The following RSKR variants were observed in gnomAD, a reference collection of about 807,000 sequenced individuals.
RSKR encodes the protein ribosomal protein S6 kinase-related protein.
In RSKR, 44 loss-of-function variants were observed where a neutral mutation model predicts 56.8. The observed-to-expected ratio is 0.77, with a 90% CI of 0.61 to 1.00. The LOEUF is 1.00. Ranked by LOEUF, RSKR falls within the 50% of genes least tolerant of loss-of-function variation. The probability of loss-of-function intolerance (pLI) is 0.00; values close to 1 mark genes in which losing one functional copy is unlikely to be tolerated. For missense variants in RSKR, 510 were observed against 506.9 expected, an observed-to-expected ratio of 1.01 and a Z score of -0.06; for synonymous variants, 181 against 188.0, an observed-to-expected ratio of 0.96 and a Z score of 0.30.
At chr17:28,612,792 C>T in intron 4 of RSKR, 105 bp from the exon 5 acceptor site, 2 of 1,062,696 alleles carry the variant, frequency 1.9e-6, no homozygotes, top group Middle Eastern at 4.0e-4. Context: ...GAACTGCTGC[C>T]TCACCTCTCA....
Position 28,613,323 on chromosome 17 carries a change from C to A in RSKR, c.347G>T (p.Gly116Val). The change falls in exon 3 of 12, where the codon GGC becomes GTC. Residue 116 changes from glycine (G) to valine (V), a missense_variant. By Grantham distance (109) the Gly-to-Val change is moderately radical. Transcript: ENST00000301037. Reference sequence around the variant, plus strand: ...CACCTTGAGGACAGTTCCAAAGGAGCCTTTAGCCACGAGGCCTAAAATCTG... The same window carrying A: ...CACCTTGAGGACAGTTCCAAAGGAGACTTTAGCCACGAGGCCTAAAATCTG... ...QLKILGLVAK[G>V]SFGTVLKVLD... is the part of the protein sequence containing the mutation. 3 of 1,614,242 alleles carry A rather than the reference C, an allele frequency of 1.9e-6. No individual in the cohort carries two copies. The highest frequency in any genetic ancestry group is 2.2e-5 in the East Asian group (1 of 44,888).
chr17:28,611,071 A>C, intron 11 of RSKR, 72 bp downstream of exon 11: 5 of 1,370,138 alleles, frequency 3.6e-6, no homozygotes, highest in Non-Finnish European at 5.0e-6. Flanking sequence ...GAATGGGGAA[A>C]AATCACTTTA....
intron 1 of RSKR, 131 bp downstream of exon 1, chr17:28,613,956 A>C: frequency 1.6e-6 from 2 of 1,219,902 alleles, no homozygotes; most frequent in Non-Finnish European, 2.3e-6. Context: ...TGATGCTTTC[A>C]TAGTACAGCC....
At chr17:28,612,562 G>A (rs2070832611) in intron 5 of RSKR, 56 bp downstream of exon 5, 2 of 1,573,250 alleles carry the variant, frequency 1.3e-6, no homozygotes, top group Non-Finnish European at 1.7e-6. Flanking sequence ...GGTAATCTCA[G>A]GTGGGGAACA....
At chr17:28,613,901 A>G in intron 1 of RSKR, 186 bp downstream of exon 1, 1 of 992,044 alleles carries the variant, frequency 1.0e-6, no homozygotes, top group Non-Finnish European at 1.5e-6. Context: ...GGACATTTTC[A>G]CCATGACGCA....
intron 11 of RSKR, 46 bp downstream of exon 11, chr17:28,611,097 C>T: frequency 1.4e-6 from 2 of 1,464,276 alleles, no homozygotes; most frequent in Non-Finnish European, 9.2e-7. Flanking sequence ...GGCAGGAGAG[C>T]ATTAATGGTT....
chr17:28,613,888 G>A (rs2070866008), intron 1 of RSKR, 199 bp downstream of exon 1: 1 of 1,008,460 alleles, frequency 9.9e-7, no homozygotes, highest in Non-Finnish European at 1.4e-6. Flanking sequence ...GAAAATAATT[G>A]TTGGACATTT....
Position 28,612,705 on chromosome 17 carries a change from A to G in RSKR, c.478-18T>C. 1 of 1,613,550 alleles carries G rather than the reference A, an allele frequency of 6.2e-7. No homozygotes were observed. The highest frequency in any genetic ancestry group is 8.5e-7 in the Non-Finnish European group (1 of 1,179,450). ...ATCTGTCGCTAGGAACAAAGAAAAC[A>G]GGAAGTTAGGGAGGAACAGGGTCAT... On this transcript the variant is annotated intron_variant, in intron 4 of 11. Transcript: ENST00000301037.
Position 28,610,688 on chromosome 17 carries a change from C to T in RSKR, c.1023G>A (p.Gln341=), listed in dbSNP as rs1226395566. 1 of 1,536,058 alleles carries T rather than the reference C, an allele frequency of 6.5e-7. No individual in the cohort carries two copies. Among genetic ancestry groups the T allele is most frequent in the Non-Finnish European group, 8.7e-7 (1 of 1,146,910 alleles). ...LSLLLHELLC[Q]NPLHRLRYLH... ...GATAACGTAGACGATGGAGGGGGTT[C>T]TGGCATAAGAGCTGAAGGAAAATAG... is the stretch of plus-strand genomic sequence containing the variant. Residue 341 remains glutamine (Q), a synonymous_variant, in exon 12 of 12, where the codon CAG becomes CAA. Coordinates refer to ENST00000301037, the MANE Select transcript of RSKR (RefSeq NM_001174103.2).
chr17:28,613,672 C>T lies in RSKR; in HGVS notation c.92G>A (p.Arg31Gln), dbSNP rs148150453. The change falls in exon 2 of 12, where the codon CGG (arginine) becomes CAG (glutamine). Residue 31 changes from arginine to glutamine, a missense_variant. Arg to Gln is a conservative substitution (Grantham distance 43). Transcript: ENST00000301037. ...AVPHKQGGNIRGPWARGWKSL... is the reference protein window; with the variant it reads ...AVPHKQGGNIQGPWARGWKSL... ...CTTCCAGCCTCGGGCCCAGGGACCC[C>T]GGATGTTGCCACCCTGCTGAGAACC... 39 of 1,613,922 alleles carry T rather than the reference C, an allele frequency of 2.4e-5. No individual in the cohort carries two copies. The highest frequency in any genetic ancestry group is 1.9e-4 in the African/African-American group (14 of 74,878).
Position 28,610,274 on chromosome 17 carries a change from T to A in RSKR, c.*204A>T, listed in dbSNP as rs1222243798. ...CTGACATGTTGAATTGAGAGGTAGG[T>A]TGTATGATAGGGAAGGAATAGGGCC... On this transcript the variant is annotated 3_prime_UTR_variant, in exon 12 of 12. Coordinates refer to ENST00000301037, the MANE Select transcript of RSKR (RefSeq NM_001174103.2). 1 of 576,604 alleles carries A rather than the reference T, an allele frequency of 1.7e-6. No homozygotes were observed. The highest frequency in any genetic ancestry group is 3.1e-6 in the Non-Finnish European group (1 of 323,886). 35.7% of individuals were successfully genotyped at this position (576,604 alleles called of 1,614,324 possible).
At chr17:28,613,042 C>G (rs754664770) in intron 4 of RSKR, 36 bp downstream of exon 4, 1 of 1,609,180 alleles carries the variant, frequency 6.2e-7, no homozygotes, top group Non-Finnish European at 8.5e-7. Context: ...TGTGGCCTAG[C>G]TCTTCCCACA....
intron 11 of RSKR, 143 bp downstream of exon 11, chr17:28,610,999 CA>C: frequency 1.3e-6 from 1 of 753,566 alleles, no homozygotes; most frequent in Non-Finnish European, 2.2e-6. Context: ...TGACTCAGTA[CA>C]GCTTAGATGG....
intron 5 of RSKR, 119 bp from the exon 6 acceptor site, chr17:28,612,485 C>A: frequency 7.3e-7 from 1 of 1,372,704 alleles, no homozygotes. Flanking sequence ...ACCTGCTGTT[C>A]CCCTCCCTTT....
intron 7 of RSKR, 116 bp downstream of exon 7, chr17:28,611,928 T>C (rs1468737540): frequency 6.2e-7 from 1 of 1,611,892 alleles, no homozygotes; most frequent in East Asian, 2.2e-5. Flanking sequence ...CCCAAATCCT[T>C]GGCACCCATG....
At chr17:28,612,796 C>T (rs764324030) in intron 4 of RSKR, 109 bp from the exon 5 acceptor site, 19 of 1,029,190 alleles carry the variant, frequency 1.8e-5, no homozygotes, top group Non-Finnish European at 2.9e-5. Flanking sequence ...TGCTGCCTCA[C>T]CTCTCAGTTC....
chr17:28,613,960 T>C (rs1011541826), intron 1 of RSKR, 127 bp downstream of exon 1: 5 of 1,260,466 alleles, frequency 4.0e-6, no homozygotes, highest in Non-Finnish European at 5.6e-6. Context: ...GCTTTCATAG[T>C]ACAGCCTCCC....
intron 5 of RSKR, 33 bp downstream of exon 5, chr17:28,612,577 ACAAAGACC>A: frequency 6.2e-7 from 1 of 1,602,666 alleles, no homozygotes; most frequent in African/African-American, 1.3e-5. Context: ...GGAACATGGT[ACAAAGACC>A]CTGGGGGATG....
chr17:28,610,365 C>A lies in RSKR; in HGVS notation c.*113G>T. The A allele has an allele frequency of 3.1e-6, 3 of 980,284 alleles. No homozygotes were observed. The highest frequency in any genetic ancestry group is 4.5e-6 in the Non-Finnish European group (3 of 666,680). 60.7% of individuals were successfully genotyped at this position (980,284 alleles called of 1,614,324 possible). ...TGGTCTAAAGCCTAGGAGAGCAGAA[C>A]GGTAAGAGGCTACAAAATAAAAACA... On this transcript the variant is annotated 3_prime_UTR_variant, in exon 12 of 12. Transcript: ENST00000301037.
Sources: allele counts gnomAD v4.1 joint callset, GRCh38; gene constraint gnomAD v4.1.1; transcripts MANE v1.5; gene names NCBI Gene and HGNC (gene_info 2026-07-23, HGNC 2026-07-21).